The following DLX4 variants were observed in gnomAD, a reference collection of about 807,000 sequenced individuals.
DLX4 encodes distal-less homeobox 4.
Under a neutral mutation model 17.1 loss-of-function variants are expected in DLX4, and 13 were observed. That is an observed-to-expected ratio of 0.76 (90% CI 0.49 to 1.21). The LOEUF (loss-of-function observed/expected upper bound fraction) is 1.21. DLX4 is among the 50% of genes most tolerant of loss of function. The pLI is 0.00. For synonymous variants in DLX4, 129 were observed against 140.3 expected (o/e 0.92, Z 0.57); for missense variants, 297 against 301.4 (o/e 0.99, Z 0.11).
chr17:49,973,632 C>T, intron 2 of DLX4, 69 bp from the exon 3 acceptor site: 1 of 1,488,064 alleles, frequency 6.7e-7, no homozygotes, highest in South Asian at 1.4e-5. Flanking sequence ...GGATCCCTTT[C>T]CCTTCCTCGA....
Position 49,972,934 on chromosome 17 carries a change from G to A in DLX4, c.284-139G>A. 3 of 1,487,266 alleles carry A rather than the reference G, an allele frequency of 2.0e-6. No homozygotes were observed. Among genetic ancestry groups the A allele is most frequent in the Non-Finnish European group, 2.7e-6 (3 of 1,116,452 alleles). 92.1% of individuals were successfully genotyped at this position (1,487,266 alleles called of 1,614,324 possible). A position where few individuals can be genotyped will look rare whatever the true frequency, so the allele number is the denominator to read the frequency against. ...GCGGAAGGTAGAGGGCAGGGGCCAA[G>A]GGGGCGATCCTGGTGGCTGCGCTTT... On this transcript the variant is annotated intron_variant, in intron 1 of 2. Coordinates refer to ENST00000240306, the MANE Select transcript of DLX4 (RefSeq NM_138281.3). This position sits in a 1 kb window ranked among gnomAD's most constrained non-coding sequence, Gnocchi z 5.4.
rs1905549577 is a variant in DLX4 at position 49,972,634 on chromosome 17, T to C, written c.284-439T>C. On this transcript the variant is annotated intron_variant, in intron 1 of 2. Transcript: ENST00000240306. The surrounding 1 kb of genome is among the most constrained non-coding windows in gnomAD (Gnocchi z 5.4). ...GGACACCGTCTCAAGCCTCTGAGCA[T>C]TGCTCTGAGCCTCTGCCTGCAATGT... The C allele has an allele frequency of 8.4e-6, 7 of 828,570 alleles. No homozygotes were observed. Among genetic ancestry groups the C allele is most frequent in the Non-Finnish European group, 1.1e-5 (7 of 661,328 alleles). The allele number at this position is 828,570 out of a possible 1,614,324, so 51.3% of individuals were successfully genotyped here.
chr17:49,969,260 C>G lies in DLX4; in HGVS notation c.-209C>G. On this transcript the variant is annotated 5_prime_UTR_variant, in exon 1 of 3. Coordinates refer to ENST00000240306, the MANE Select transcript of DLX4 (RefSeq NM_138281.3). ...TGGATTTAGGGGGGGAGGGGAAAGT[C>G]ATGGGGGGCACCCCCCCGGAACCCC... The G allele has an allele frequency of 3.1e-6, 1 of 324,828 alleles. No homozygotes were observed. The highest frequency in any genetic ancestry group is 4.6e-6 in the Non-Finnish European group (1 of 219,432). 20.1% of individuals were successfully genotyped at this position (324,828 alleles called of 1,614,324 possible). A position where few individuals can be genotyped will look rare whatever the true frequency, so the allele number is the denominator to read the frequency against.
intron 1 of DLX4, among the ~76,000 whole-genome samples, chr17:49,970,124 G>T (rs973960242): frequency 6.6e-6 from 1 of 152,042 alleles, no homozygotes; most frequent in Non-Finnish European, 1.5e-5. Flanking sequence ...CCCAGCCCCC[G>T]TCCTGTACTC....
chr17:49,969,821 C>A, intron 1 of DLX4, 70 bp downstream of exon 1: 2 of 1,394,010 alleles, frequency 1.4e-6, no homozygotes, highest in Non-Finnish European at 1.9e-6. Flanking sequence ...ACTTCTCCCT[C>A]GCCTGGTTGG....
At position 49,969,605 on chromosome 17, in the gene DLX4, C is replaced by T; in HGVS notation, c.137C>T (p.Ser46Phe). The T allele has an allele frequency of 6.2e-7, 1 of 1,613,590 alleles. No individual in the cohort carries two copies. Among genetic ancestry groups the T allele is most frequent in the Non-Finnish European group, 8.5e-7 (1 of 1,179,994 alleles). ...ACAACCGCAGCCTCCCCCAATTTGTCCTACTCCAGGCCGTATGGCCACCTC... is the reference window on the plus strand; with the variant it reads ...ACAACCGCAGCCTCCCCCAATTTGTTCTACTCCAGGCCGTATGGCCACCTC... ...SPTTAASPNL[S>F]YSRPYGHLLS... The change falls in exon 1 of 3, where the codon TCC becomes TTC. Residue 46 changes from serine to phenylalanine, a missense_variant. Transcript: ENST00000240306.
chr17:49,973,514 A>G, intron 2 of DLX4, 187 bp from the exon 3 acceptor site: 1 of 963,502 alleles, frequency 1.0e-6, no homozygotes, highest in Non-Finnish European at 1.6e-6. Context: ...GGAGACATGG[A>G]TACTAGCTCA....
chr17:49,973,628 C>T, intron 2 of DLX4, 73 bp from the exon 3 acceptor site: 2 of 1,486,780 alleles, frequency 1.3e-6, no homozygotes, highest in South Asian at 1.4e-5. Flanking sequence ...ACCTGGATCC[C>T]TTTCCCTTCC....
chr17:49,972,935 G>A lies in DLX4; in HGVS notation c.284-138G>A. ...CGGAAGGTAGAGGGCAGGGGCCAAGGGGGCGATCCTGGTGGCTGCGCTTTT... is the reference window on the plus strand; with the variant it reads ...CGGAAGGTAGAGGGCAGGGGCCAAGAGGGCGATCCTGGTGGCTGCGCTTTT... On this transcript the variant is annotated intron_variant, in intron 1 of 2. Coordinates refer to ENST00000240306, the MANE Select transcript of DLX4 (RefSeq NM_138281.3). This position sits in a 1 kb window ranked among gnomAD's most constrained non-coding sequence, Gnocchi z 5.4. 2 of 1,488,576 alleles carry A rather than the reference G, an allele frequency of 1.3e-6. No individual in the cohort carries two copies. Among genetic ancestry groups the A allele is most frequent in the South Asian group, 2.8e-5 (2 of 72,662 alleles). 92.2% of individuals were successfully genotyped at this position (1,488,576 alleles called of 1,614,324 possible).
rs1252283370 is a variant in DLX4, at chr17:49,974,085, G to T, written c.*142G>T. On this transcript the variant is annotated 3_prime_UTR_variant, in exon 3 of 3. Coordinates refer to ENST00000240306, the MANE Select transcript of DLX4 (RefSeq NM_138281.3). The stretch of plus-strand genomic sequence containing the variant: ...GGACAAGCAGTTAGAGGAGAAAAAG[G>T]AATGGAGCAGAGCCTGTACCCCTAA... 2.6e-6 allele frequency: 3 copies of T among 1,136,440 alleles called. No individual in the cohort carries two copies. Among genetic ancestry groups the T allele is most frequent in the Non-Finnish European group, 3.6e-6 (3 of 840,910 alleles). The allele number at this position is 1,136,440 out of a possible 1,614,324, so 70.4% of individuals were successfully genotyped here.
chr17:49,971,593 G>A lies in DLX4; in HGVS notation c.284-1480G>A, dbSNP rs192471258. Among the ~76,000 whole-genome samples the A allele has an allele frequency of 1.9e-3, 282 of 152,214 alleles. 1 individual carries two copies. Among genetic ancestry groups the A allele is most frequent in the African/African-American group, 4.7e-3 (195 of 41,532 alleles). ...GGGTCTGCTGGGAGAGTTGGGGCGCGGAGGGCTATGCGAATTCAGCAACCG... is the reference window on the plus strand; with the variant it reads ...GGGTCTGCTGGGAGAGTTGGGGCGCAGAGGGCTATGCGAATTCAGCAACCG... On this transcript the variant is annotated intron_variant, in intron 1 of 2. Coordinates refer to ENST00000240306, the MANE Select transcript of DLX4 (RefSeq NM_138281.3).
Position 49,972,728 on chromosome 17 carries a change from G to A in DLX4, c.284-345G>A. 2.2e-6 allele frequency: 3 copies of A among 1,371,380 alleles called. No homozygotes were observed. Among genetic ancestry groups the A allele is most frequent in the South Asian group, 3.6e-5 (2 of 55,070 alleles). 85.0% of individuals were successfully genotyped at this position (1,371,380 alleles called of 1,614,324 possible). On this transcript the variant is annotated intron_variant, in intron 1 of 2. Coordinates refer to ENST00000240306, the MANE Select transcript of DLX4 (RefSeq NM_138281.3). The surrounding 1 kb of genome is among the most constrained non-coding windows in gnomAD (Gnocchi z 5.4). ...GCCTTTCTGCCCCGCCCTACCCCAA[G>A]CTGGCGCCACCGCCCGTGGCTGAAC...
chr17:49,970,690 T>G (rs987659769), intron 1 of DLX4, among the ~76,000 whole-genome samples: 3 of 152,162 alleles, frequency 2.0e-5, no homozygotes, highest in Non-Finnish European at 4.4e-5. Context: ...ACTCTCTGCC[T>G]CCATCTAATT....
intron 1 of DLX4, among the ~76,000 whole-genome samples, chr17:49,971,530 G>A (rs1905504327): frequency 6.6e-6 from 1 of 152,166 alleles, no homozygotes; most frequent in Non-Finnish European, 1.5e-5. Flanking sequence ...CTGGAACTGG[G>A]GTAGGGAAAG....
At position 49,972,980 on chromosome 17, in the gene DLX4, CA is replaced by C; in HGVS notation, c.284-92del. 2.0e-6 allele frequency: 3 copies of C among 1,537,262 alleles called. No homozygotes were observed. The highest frequency in any genetic ancestry group is 2.0e-5 in the Admixed American group (1 of 50,846). On this transcript the variant is annotated intron_variant, in intron 1 of 2. Transcript: ENST00000240306. This position sits in a 1 kb window ranked among gnomAD's most constrained non-coding sequence, Gnocchi z 5.4. ...GCTTTTTGCTATTTGCTGCCGACGGCATGCAGACGAGATGCAAATAAGCTTA... is the reference window on the plus strand; with the variant it reads ...GCTTTTTGCTATTTGCTGCCGACGGCTGCAGACGAGATGCAAATAAGCTTA...
rs1403531044 is a variant in DLX4, at chr17:49,973,821, C to T, written c.601C>T (p.Leu201Phe). Residue 201 changes from leucine to phenylalanine, a missense_variant, in exon 3 of 3, where the codon CTC becomes TTC. Physicochemically the swap from Leu to Phe is conservative, Grantham distance 22. Coordinates refer to ENST00000240306, the MANE Select transcript of DLX4 (RefSeq NM_138281.3). ...TFSVSPCSPP[L>F]PSLWDLPKAG... ...CTCTGTGTCTCCCTGCTCCCCACCC[C>T]TCCCCTCCCTCTGGGATCTACCCAA... 2 of 1,610,218 alleles carry T rather than the reference C, an allele frequency of 1.2e-6. No individual in the cohort carries two copies. Among genetic ancestry groups the T allele is most frequent in the South Asian group, 2.2e-5 (2 of 90,428 alleles).
In DLX4 at chr17:49,969,442, G is replaced by A. The variant is rs1236753730; in HGVS notation, c.-27G>A. The A allele has an allele frequency of 6.6e-7, 1 of 1,509,342 alleles. No individual in the cohort carries two copies. Among genetic ancestry groups the A allele is most frequent in the Admixed American group, 2.1e-5 (1 of 47,048 alleles). The allele number at this position is 1,509,342 out of a possible 1,614,324, so 93.5% of individuals were successfully genotyped here. The stretch of plus-strand genomic sequence containing the variant: ...GGGAGCGGACTACGTGCCGGGCCAT[G>A]GCCCTTCTGCCCGGGCCCTGGCCAC... On this transcript the variant is annotated 5_prime_UTR_variant, in exon 1 of 3. The change abolishes an upstream ATG in the 5' untranslated region. Coordinates refer to ENST00000240306, the MANE Select transcript of DLX4 (RefSeq NM_138281.3).
chr17:49,971,267 C>T (rs1468713564), intron 1 of DLX4, among the ~76,000 whole-genome samples: 1 of 152,162 alleles, frequency 6.6e-6, no homozygotes, highest in Non-Finnish European at 1.5e-5. Flanking sequence ...ACCACACACA[C>T]CCAGATTTCC....
chr17:49,969,551 C>T lies in DLX4; in HGVS notation c.83C>T (p.Ala28Val), dbSNP rs1441004885. The change falls in exon 1 of 3, where the codon GCG becomes GTG. Residue 28 changes from alanine (A) to valine (V), a missense_variant. By Grantham distance (64) the Ala-to-Val change is moderately conservative. Transcript: ENST00000240306. ...GACCTCGCCCCTGTCCCGTCGGTAG[C>T]GGCTGCCTACCCGCTTGGCTTGTCC... ...FPDLAPVPSV[A>V]AAYPLGLSPT... 2 of 1,613,262 alleles carry T rather than the reference C, an allele frequency of 1.2e-6. No individual in the cohort carries two copies. Among genetic ancestry groups the T allele is most frequent in the East Asian group, 2.2e-5 (1 of 44,848 alleles).
Sources: allele counts gnomAD v4.1 joint callset (sites outside exome capture counted in the v4.1 genomes callset), GRCh38; gene constraint gnomAD v4.1.1; non-coding constraint Gnocchi (gnomAD v3.1); transcripts MANE v1.5; gene names NCBI Gene and HGNC (gene_info 2026-07-23, HGNC 2026-07-21).